Variants in SPATS2L observed in about 807,000 individuals in gnomAD.
The protein encoded by SPATS2L is spermatogenesis associated serine rich 2 like, also known as SPATS2-like protein.
A neutral mutation model predicts 59.6 loss-of-function variants in SPATS2L; 30 were observed. The ratio of observed to expected loss-of-function variants is 0.50; its 90% CI spans 0.38 to 0.68. SPATS2L has a LOEUF of 0.68. Among genes scored for constraint, SPATS2L ranks in the 30% least tolerant of loss-of-function variants. The pLI is 0.00. For synonymous variants in SPATS2L, 252 were observed against 263.5 expected (o/e 0.96, Z 0.42); for missense variants, 615 against 700.0 (o/e 0.88, Z 1.37).
chr2:200,472,914 T>C lies in SPATS2L; in HGVS notation c.1143T>C (p.Ser381=). ...TGCTGAATGCGCACGCAGCAACCTC[T>C]GGGAAACAGAGTAACTTTTCCCGAA... is the stretch of plus-strand genomic sequence containing the variant. ...LPLLNAHAAT[S]GKQSNFSRKS... Residue 381 remains serine (S), a synonymous_variant, in exon 12 of 13, where the codon TCT becomes TCC. Coordinates refer to ENST00000409140, the MANE Select transcript of SPATS2L (RefSeq NM_001100423.2). The C allele has an allele frequency of 6.2e-7, 1 of 1,613,916 alleles. No homozygotes were observed. The highest frequency in any genetic ancestry group is 2.2e-5 in the East Asian group (1 of 44,872).
chr2:200,373,683 T>G (rs944450916), intron 2 of SPATS2L, among the ~76,000 whole-genome samples: 2 of 152,194 alleles, frequency 1.3e-5, no homozygotes, highest in Admixed American at 1.3e-4. Flanking sequence ...TTAAATATAA[T>G]TTATGAGTTA....
chr2:200,382,822 A>G (rs976771907), intron 2 of SPATS2L, among the ~76,000 whole-genome samples: 3 of 152,224 alleles, frequency 2.0e-5, no homozygotes, highest in Non-Finnish European at 2.9e-5. Flanking sequence ...CTGGTACGTT[A>G]TAAGTTCTCC....
intron 1 of SPATS2L, among the ~76,000 whole-genome samples, chr2:200,326,282 C>G (rs1037288485): frequency 6.6e-6 from 1 of 152,050 alleles, no homozygotes; most frequent in African/African-American, 2.4e-5. Flanking sequence ...AACTCCTTTT[C>G]ACTTTTTTAA....
intron 3 of SPATS2L, among the ~76,000 whole-genome samples, chr2:200,407,406 G>C (rs1432565329): frequency 6.6e-6 from 1 of 152,156 alleles, no homozygotes; most frequent in Non-Finnish European, 1.5e-5. Flanking sequence ...TAGCACCACA[G>C]TACCCTGTTC....
At chr2:200,380,809 T>G (rs2081783160) in intron 2 of SPATS2L, among the ~76,000 whole-genome samples, 1 of 152,120 alleles carries the variant, frequency 6.6e-6, no homozygotes, top group African/African-American at 2.4e-5. Context: ...AACCTTGAGT[T>G]TTTTTCTCCA....
intron 3 of SPATS2L, among the ~76,000 whole-genome samples, chr2:200,406,312 C>T (rs2082685403): frequency 6.6e-6 from 1 of 151,228 alleles, no homozygotes; most frequent in Admixed American, 6.6e-5. Flanking sequence ...GATTATTTAG[C>T]TTTATTATTT....
rs1242344836 is a variant in SPATS2L at position 200,440,697 on chromosome 2, C to T, written c.701C>T (p.Ser234Phe). The T allele has an allele frequency of 6.2e-7, 1 of 1,613,682 alleles. No homozygotes were observed. Among genetic ancestry groups the T allele is most frequent in the Non-Finnish European group, 8.5e-7 (1 of 1,179,678 alleles). The part of the protein sequence containing the change: ...SVKDLQRCTV[S>F]LTRYRVMIKE... ...AAGGATTTGCAACGCTGCACCGTTTCTCTAACTAGATATCGCGTCATGATT... is the reference window on the plus strand; with the variant it reads ...AAGGATTTGCAACGCTGCACCGTTTTTCTAACTAGATATCGCGTCATGATT... Residue 234 changes from serine (S) to phenylalanine (F), a missense_variant, in exon 8 of 13, where the codon TCT becomes TTT. Ser to Phe is a radical substitution (Grantham distance 155). Transcript: ENST00000409140.
intron 2 of SPATS2L, among the ~76,000 whole-genome samples, chr2:200,385,979 A>G (rs1197951575): frequency 6.6e-6 from 1 of 152,236 alleles, no homozygotes; most frequent in East Asian, 1.9e-4. Flanking sequence ...GGCGTGAGCC[A>G]CCGCACCCGG....
intron 8 of SPATS2L, among the ~76,000 whole-genome samples, chr2:200,446,175 C>A (rs889074145): frequency 6.6e-6 from 1 of 152,066 alleles, no homozygotes; most frequent in African/African-American, 2.4e-5. Context: ...CCCATCTCTA[C>A]AATTTTTTGA....
chr2:200,317,504 G>C (rs189744660), intron 1 of SPATS2L, among the ~76,000 whole-genome samples: 1 of 152,230 alleles, frequency 6.6e-6, no homozygotes, highest in African/African-American at 2.4e-5. Flanking sequence ...TAATTTTATA[G>C]ACCTTTCCCT....
chr2:200,402,599 T>C (rs1262158400), intron 3 of SPATS2L, among the ~76,000 whole-genome samples: 2 of 152,246 alleles, frequency 1.3e-5, no homozygotes, highest in Admixed American at 6.5e-5. Context: ...TCCCCTGTTA[T>C]AGATGCCAGA....
intron 2 of SPATS2L, among the ~76,000 whole-genome samples, chr2:200,349,787 G>T (rs1181100536): frequency 6.6e-6 from 1 of 152,198 alleles, no homozygotes; most frequent in African/African-American, 2.4e-5. Flanking sequence ...AAGCACTGAA[G>T]GGCAGGAATT....
chr2:200,353,286 T>G (rs2080802043), intron 2 of SPATS2L, among the ~76,000 whole-genome samples: 1 of 152,168 alleles, frequency 6.6e-6, no homozygotes, highest in African/African-American at 2.4e-5. Flanking sequence ...ATCGCTGCGT[T>G]GAAATTTGGG....
chr2:200,313,944 A>G (rs1440093907), intron 1 of SPATS2L, among the ~76,000 whole-genome samples: 3 of 152,080 alleles, frequency 2.0e-5, no homozygotes, highest in Non-Finnish European at 4.4e-5. Context: ...CAGCTGCTCT[A>G]TATTTGGACT....
chr2:200,369,667 A>G (rs1044395932), intron 2 of SPATS2L, among the ~76,000 whole-genome samples: 2 of 152,090 alleles, frequency 1.3e-5, no homozygotes, highest in African/African-American at 4.8e-5. Context: ...TCCTAAAAAC[A>G]ACCAAAGACA....
Position 200,473,165 on chromosome 2 carries a change from C to A in SPATS2L, c.1281+113C>A, listed in dbSNP as rs865964425. On this transcript the variant is annotated intron_variant, in intron 12 of 12. Transcript: ENST00000409140. Reference sequence around the variant, plus strand: ...GCCTCCTGGGGTCACACTCAGGCTCCCGCCACCTGCCCTCACCCACTCCCC... The same window carrying A: ...GCCTCCTGGGGTCACACTCAGGCTCACGCCACCTGCCCTCACCCACTCCCC... 8.8e-6 allele frequency: 9 copies of A among 1,019,434 alleles called. No homozygotes were observed. In the Middle Eastern group the frequency reaches 9.4e-4, roughly 106 times the overall value. The allele number at this position is 1,019,434 out of a possible 1,614,324, so 63.1% of individuals were successfully genotyped here.
chr2:200,330,446 A>G (rs1284013324), intron 2 of SPATS2L, among the ~76,000 whole-genome samples: 1 of 152,206 alleles, frequency 6.6e-6, no homozygotes, highest in Non-Finnish European at 1.5e-5. Flanking sequence ...CGAATATTTT[A>G]CTTCCTCATA....
rs2087780684 is a variant in SPATS2L, at chr2:200,481,724, A to C, written c.*3693A>C. On this transcript the variant is annotated 3_prime_UTR_variant, in exon 13 of 13. Transcript: ENST00000409140. ...GAGATGGAGTCTCGCTCTGTCGCCCAGGCTGGAGTGCAGTGGCGCGGTCTC... is the reference window on the plus strand; with the variant it reads ...GAGATGGAGTCTCGCTCTGTCGCCCCGGCTGGAGTGCAGTGGCGCGGTCTC... The C allele has an allele frequency of 2.6e-5, 4 of 152,374 alleles. No individual in the cohort carries two copies. The highest frequency in any genetic ancestry group is 2.6e-4 in the Admixed American group (4 of 15,286). The allele number at this position is 152,374 out of a possible 1,614,324, so 9.4% of individuals were successfully genotyped here.
At chr2:200,407,283 T>C (rs181659417) in intron 3 of SPATS2L, among the ~76,000 whole-genome samples, 2 of 152,330 alleles carry the variant, frequency 1.3e-5, no homozygotes, top group South Asian at 2.1e-4. Flanking sequence ...AGAGCTAGCA[T>C]GTAGCAGAAG....
Sources: allele counts gnomAD v4.1 joint callset (sites outside exome capture counted in the v4.1 genomes callset), GRCh38; gene constraint gnomAD v4.1.1; transcripts MANE v1.5; gene names NCBI Gene and HGNC (gene_info 2026-07-23, HGNC 2026-07-21).